AQP8: variants seen among roughly 807,000 people sequenced by gnomAD.
AQP8 encodes aquaporin 8.
AQP8 carries 14 observed loss-of-function variants against 26.1 expected under a neutral mutation model. The observed-to-expected ratio is 0.54, with a 90% CI of 0.35 to 0.84. AQP8 has a LOEUF of 0.84. Among genes scored for constraint, AQP8 ranks in the 40% least tolerant of loss-of-function variants. The pLI is 0.01. For synonymous variants in AQP8, 131 were observed against 150.7 expected (o/e 0.87, Z 0.96); for missense variants, 301 against 340.5 (o/e 0.88, Z 0.91).
At chr16:25,220,617 C>T (rs993400297) in intron 2 of AQP8, among the ~76,000 whole-genome samples, 1 of 152,198 alleles carries the variant, frequency 6.6e-6, no homozygotes, top group Non-Finnish European at 1.5e-5. Flanking sequence ...AACTCCACCC[C>T]GTGATTCTCA....
chr16:25,221,548 C>A lies in AQP8; in HGVS notation c.352C>A (p.Leu118Met). 6.2e-7 allele frequency: 1 copy of A among 1,614,128 alleles called. No homozygotes were observed. The highest frequency in any genetic ancestry group is 8.5e-7 in the Non-Finnish European group (1 of 1,180,022). Residue 118 changes from leucine to methionine, a missense_variant, in exon 3 of 6, where the codon CTG (leucine) becomes ATG (methionine). Transcript: ENST00000219660. Reference sequence around the variant, plus strand: ...GCTCCTCCCGTACTGGGTCTCACAGCTGCTCGGGGGGATGCTCGGGGCTGC... The same window carrying A: ...GCTCCTCCCGTACTGGGTCTCACAGATGCTCGGGGGGATGCTCGGGGCTGC... ...VMLLPYWVSQ[L>M]LGGMLGAALA... is the part of the protein sequence containing the mutation.
At chr16:25,221,320 T>G in intron 2 of AQP8, 137 bp from the exon 3 acceptor site, 1 of 1,034,392 alleles carries the variant, frequency 9.7e-7, no homozygotes, top group Non-Finnish European at 1.4e-6. Flanking sequence ...TGGTGCCTCT[T>G]TGTATTTGAG....
At chr16:25,224,251 T>C in intron 3 of AQP8, 111 bp from the exon 4 acceptor site, 1 of 996,908 alleles carries the variant, frequency 1.0e-6, no homozygotes, top group South Asian at 1.7e-5. Context: ...AAATTGGACA[T>C]AACCCTTCAC....
rs1962495027 is a variant in AQP8 at position 25,217,055 on chromosome 16, G to C, written c.10G>C (p.Glu4Gln). The C allele has an allele frequency of 6.2e-7, 1 of 1,614,058 alleles. No homozygotes were observed. The highest frequency in any genetic ancestry group is 1.3e-5 in the African/African-American group (1 of 75,060). ...GTGCCATCTGATCCTGATGTCTGGA[G>C]AGGTGAGCCCTCTGTCGGCATCTTC... is the stretch of plus-strand genomic sequence containing the variant. MSG[E>Q]IAMCEPEFGN... Residue 4 changes from glutamate (E) to glutamine (Q), a missense_variant and splice_region_variant, in exon 1 of 6, where the codon GAG becomes CAG. Transcript: ENST00000219660.
chr16:25,224,029 G>A (rs950982066), intron 3 of AQP8, among the ~76,000 whole-genome samples: 1 of 152,144 alleles, frequency 6.6e-6, no homozygotes, highest in African/African-American at 2.4e-5. Flanking sequence ...GTTTCACCAT[G>A]TTGGCAAGGC....
At chr16:25,220,830 C>T (rs1458684361) in intron 2 of AQP8, among the ~76,000 whole-genome samples, 3 of 152,146 alleles carry the variant, frequency 2.0e-5, no homozygotes, top group Non-Finnish European at 2.9e-5. Context: ...GTGGGTGGAT[C>T]GCTTGAGGTC....
rs1962670356 is a variant in AQP8, at chr16:25,228,782, C to T, written c.*290C>T. Reference sequence around the variant, plus strand: ...GAGCGTGTTTCTTGAGAGGAATGTCCCCGAGTTGGACAAGGAGGCTGTTTC... The same window carrying T: ...GAGCGTGTTTCTTGAGAGGAATGTCTCCGAGTTGGACAAGGAGGCTGTTTC... On this transcript the variant is annotated 3_prime_UTR_variant, in exon 6 of 6. Transcript: ENST00000219660. 2 of 304,440 alleles carry T rather than the reference C, an allele frequency of 6.6e-6. No homozygotes were observed. Among genetic ancestry groups the T allele is most frequent in the Non-Finnish European group, 1.2e-5 (2 of 163,572 alleles). The allele number at this position is 304,440 out of a possible 1,614,324, so 18.9% of individuals were successfully genotyped here. A position where few individuals can be genotyped will look rare whatever the true frequency, so the allele number is the denominator to read the frequency against.
chr16:25,228,389 A>G, intron 5 of AQP8, 55 bp from the exon 6 acceptor site: 4 of 1,578,716 alleles, frequency 2.5e-6, no homozygotes, highest in South Asian at 2.2e-5. Flanking sequence ...AGACATGACG[A>G]AGGGCTGGGT....
At chr16:25,220,161 C>G (rs1457206678) in intron 2 of AQP8, among the ~76,000 whole-genome samples, 1 of 152,120 alleles carries the variant, frequency 6.6e-6, no homozygotes, top group Non-Finnish European at 1.5e-5. Context: ...GGGTGTTGGA[C>G]AAAGTCCTTT....
In AQP8 at chr16:25,224,573, C is replaced by T; in HGVS notation, c.599C>T (p.Ala200Val). 2 of 1,609,934 alleles carry T rather than the reference C, an allele frequency of 1.2e-6. No homozygotes were observed. The highest frequency in any genetic ancestry group is 1.7e-6 in the Non-Finnish European group (2 of 1,179,824). Residue 200 changes from alanine (A) to valine (V), a missense_variant, in exon 4 of 6, where the codon GCT becomes GTT. Ala to Val is a moderately conservative substitution (Grantham distance 64, BLOSUM62 0). Transcript: ENST00000219660. ...IGFAVTVDILAGGPVSGGCMN... is the reference protein window; with the variant it reads ...IGFAVTVDILVGGPVSGGCMN... The stretch of plus-strand genomic sequence containing the variant: ...TTTGCCGTCACCGTGGATATCCTGG[C>T]TGGGTGAGTGTCCCTTGGCAGTGGG...
Position 25,228,616 on chromosome 16 carries a change from A to G in AQP8, c.*124A>G. 1.0e-6 allele frequency: 1 copy of G among 980,602 alleles called. No homozygotes were observed. Among genetic ancestry groups the G allele is most frequent in the South Asian group, 1.4e-5 (1 of 71,938 alleles). 60.7% of individuals were successfully genotyped at this position (980,602 alleles called of 1,614,324 possible). A position where few individuals can be genotyped will look rare whatever the true frequency, so the allele number is the denominator to read the frequency against. ...CCCAGAGGAGCGACCCCCTGCTTCC[A>G]CTGCTTGGGCCTGCTTTCTCAGATA... On this transcript the variant is annotated 3_prime_UTR_variant, in exon 6 of 6. Coordinates refer to ENST00000219660, the MANE Select transcript of AQP8 (RefSeq NM_001169.3).
chr16:25,228,894 A>G lies in AQP8; in HGVS notation c.*402A>G, dbSNP rs1176628523. ...CACTTCCTTGCTTCTCAAGCTGACA[A>G]TTCTCACTTTGCAATAAATAGTCCA... is the stretch of plus-strand genomic sequence containing the variant. On this transcript the variant is annotated 3_prime_UTR_variant, in exon 6 of 6. Transcript: ENST00000219660. 2.3e-5 allele frequency: 4 copies of G among 172,454 alleles called. No homozygotes were observed. The highest frequency in any genetic ancestry group is 4.9e-5 in the Non-Finnish European group (4 of 80,874). 10.7% of individuals were successfully genotyped at this position (172,454 alleles called of 1,614,324 possible). A position where few individuals can be genotyped will look rare whatever the true frequency, so the allele number is the denominator to read the frequency against.
Position 25,221,566 on chromosome 16 carries a change from G to C in AQP8, c.370G>C (p.Gly124Arg), listed in dbSNP as rs139054676. The C allele has an allele frequency of 1.2e-6, 2 of 1,614,014 alleles. No individual in the cohort carries two copies. Among genetic ancestry groups the C allele is most frequent in the Non-Finnish European group, 1.7e-6 (2 of 1,179,976 alleles). ...WVSQLLGGMLGAALAKAVSPE... is the reference protein window; with the variant it reads ...WVSQLLGGMLRAALAKAVSPE... ...CTCACAGCTGCTCGGGGGGATGCTC[G>C]GGGCTGCCTTGGCCAAGGTGGGTAA... Residue 124 changes from glycine to arginine, a missense_variant, in exon 3 of 6, where the codon GGG becomes CGG. Physicochemically the swap from Gly to Arg is moderately radical, Grantham distance 125. Coordinates refer to ENST00000219660, the MANE Select transcript of AQP8 (RefSeq NM_001169.3).
chr16:25,220,367 C>T (rs942871475), intron 2 of AQP8, among the ~76,000 whole-genome samples: 1 of 152,092 alleles, frequency 6.6e-6, no homozygotes, highest in African/African-American at 2.4e-5. Flanking sequence ...GGAGGCCAAA[C>T]TGTGACAATA....
chr16:25,224,961 C>T (rs1296885265), intron 4 of AQP8, among the ~76,000 whole-genome samples: 1 of 152,216 alleles, frequency 6.6e-6, no homozygotes, highest in Non-Finnish European at 1.5e-5. Context: ...GCATGTGTAG[C>T]TGTTGTCTCA....
rs751686924 is a variant in AQP8, at chr16:25,218,882, AAAAC to A, written c.260+1461_260+1464del. On this transcript the variant is annotated intron_variant, in intron 2 of 5. Transcript: ENST00000219660. ...CAACAGAGTGAGACTCCATCTCCAA[AAAAC>A]AAACAAACAAACAAACAAACAAAAA... 3.5e-4 allele frequency among the ~76,000 whole-genome samples: 53 copies of A among 151,184 alleles called. 5 individuals are homozygous for A. Among genetic ancestry groups the A allele is most frequent in the African/African-American group, 1.1e-3 (47 of 40,952 alleles).
At chr16:25,217,133 T>G in intron 1 of AQP8, 65 bp from the exon 2 acceptor site, 1 of 1,613,120 alleles carries the variant, frequency 6.2e-7, no homozygotes, top group Non-Finnish European at 8.5e-7. Flanking sequence ...AGGTTGGGGG[T>G]CGGGGCCTTC....
chr16:25,226,770 T>G (rs561066100), intron 4 of AQP8, among the ~76,000 whole-genome samples: 1 of 152,338 alleles, frequency 6.6e-6, no homozygotes, highest in African/African-American at 2.4e-5. Context: ...TTGTAGACTT[T>G]GGAGCAAATG....
intron 2 of AQP8, among the ~76,000 whole-genome samples, chr16:25,221,150 A>C (rs552518051): frequency 4.6e-5 from 7 of 151,680 alleles, no homozygotes; most frequent in African/African-American, 1.7e-4. Context: ...ACATCTCTGA[A>C]GGGCTGGAGG....
Sources: gnomAD v4.1 joint callset for allele counts (sites outside exome capture counted in the v4.1 genomes callset) on GRCh38, gnomAD v4.1.1 for gene constraint, MANE v1.5 for transcripts, NCBI Gene and HGNC (gene_info 2026-07-23, HGNC 2026-07-21) for gene names.